Variants in ADAMTS20 observed in about 807,000 individuals in gnomAD.
ADAMTS20 encodes A disintegrin and metalloproteinase with thrombospondin motifs 20.
ADAMTS20 carries 225 observed loss-of-function variants against 260.1 expected under a neutral mutation model. That is an observed-to-expected ratio of 0.87 (90% CI 0.78 to 0.97). ADAMTS20 has a LOEUF of 0.97. Among genes scored for constraint, ADAMTS20 ranks in the 50% least tolerant of loss-of-function variants. The pLI is 0.00. For synonymous variants in ADAMTS20, 802 were observed against 769.5 expected, an observed-to-expected ratio of 1.04 and a Z score of -0.70; for missense variants, 2,400 against 2,337.7, an observed-to-expected ratio of 1.03 and a Z score of -0.55.
chr12:43,486,248 G>C (rs1364407256), intron 7 of ADAMTS20, among the ~76,000 whole-genome samples: 2 of 152,076 alleles, frequency 1.3e-5, no homozygotes, highest in African/African-American at 2.4e-5. Context: ...CAATGGAACA[G>C]AATAGAAGAC....
At chr12:43,399,371 T>C (rs1374359241) in intron 28 of ADAMTS20, 138 bp from the exon 29 acceptor site, 1 of 760,698 alleles carries the variant, frequency 1.3e-6, no homozygotes, top group African/African-American at 1.8e-5. Context: ...TATTTCTAAT[T>C]AGTGAAAAGT....
At chr12:43,402,220 T>C (rs926980772) in intron 28 of ADAMTS20, among the ~76,000 whole-genome samples, 3 of 152,028 alleles carry the variant, frequency 2.0e-5, no homozygotes, top group Non-Finnish European at 2.9e-5. Context: ...AGCTGATGGA[T>C]GTTTATTAAT....
rs536553814 is a variant in ADAMTS20 at position 43,469,768 on chromosome 12, T to C, written c.1118-1063A>G. ...TCTTTTATTCTTAGGAGTTAAAAACTTGAACATCTTCCTAGCATTTAAGGT... is the reference window on the plus strand; with the variant it reads ...TCTTTTATTCTTAGGAGTTAAAAACCTGAACATCTTCCTAGCATTTAAGGT... On this transcript the variant is annotated intron_variant, in intron 7 of 38. Transcript: ENST00000389420. 1.2e-3 allele frequency among the ~76,000 whole-genome samples: 185 copies of C among 152,216 alleles called. 1 individual carries two copies. Among genetic ancestry groups the C allele is most frequent in the Non-Finnish European group, 2.1e-3 (146 of 68,032 alleles).
chr12:43,423,020 CA>C (rs1223712234), intron 28 of ADAMTS20: 1 of 151,968 alleles, frequency 6.6e-6, no homozygotes, highest in Non-Finnish European at 1.5e-5. Context: ...ATCAAAGGAT[CA>C]AAAACATCTA....
chr12:43,363,565 G>C (rs1939921054), intron 37 of ADAMTS20, among the ~76,000 whole-genome samples: 1 of 152,204 alleles, frequency 6.6e-6, no homozygotes. Flanking sequence ...CCTGTCCCCA[G>C]ATCCACAGTA....
intron 2 of ADAMTS20, among the ~76,000 whole-genome samples, chr12:43,542,515 G>GT (rs35824801): frequency 4.6e-5 from 7 of 151,660 alleles, no homozygotes; most frequent in African/African-American, 1.7e-4. Context: ...CCAATCTATT[G>GT]TTTTTTTTTC....
At position 43,399,154 on chromosome 12, in the gene ADAMTS20, G is replaced by T; in HGVS notation, c.4364C>A (p.Thr1455Lys). The T allele has an allele frequency of 6.4e-7, 1 of 1,565,480 alleles. No homozygotes were observed. Among genetic ancestry groups the T allele is most frequent in the East Asian group, 2.3e-5 (1 of 42,780 alleles). Residue 1455 changes from threonine to lysine, a missense_variant, in exon 29 of 39, where the codon ACA becomes AAA. Thr to Lys is a moderately conservative substitution (Grantham distance 78). Coordinates refer to ENST00000389420, the MANE Select transcript of ADAMTS20 (RefSeq NM_025003.5). Reference sequence around the variant, plus strand: ...AGGTTTCTGTACTTGACTGCAATTTGTGTCTTCTAATTTCCTTTGGAATTG... The same window carrying T: ...AGGTTTCTGTACTTGACTGCAATTTTTGTCTTCTAATTTCCTTTGGAATTG... ...IDQFQRKLED[T>K]NCSQVQKPPT...
At chr12:43,532,232 C>G in intron 2 of ADAMTS20, 37 bp from the exon 3 acceptor site, 1 of 1,562,468 alleles carries the variant, frequency 6.4e-7, no homozygotes, top group Non-Finnish European at 8.7e-7. Context: ...TTTTTCCTAA[C>G]AGTCGCCAAG....
chr12:43,528,636 C>T (rs552126357), intron 3 of ADAMTS20, among the ~76,000 whole-genome samples: 1 of 152,078 alleles, frequency 6.6e-6, no homozygotes, highest in East Asian at 1.9e-4. Context: ...CCCTATCTCT[C>T]CCCTTGTACA....
At chr12:43,472,590 A>G (rs9668741) in intron 7 of ADAMTS20, among the ~76,000 whole-genome samples, 74,798 of 114,608 alleles carry the variant, frequency 0.65, 25,107 homozygotes, top group East Asian at 1. Context: ...CAGAGAGAAA[A>G]GTCGGGTTAC....
intron 7 of ADAMTS20, among the ~76,000 whole-genome samples, chr12:43,475,622 C>T (rs1327973979): frequency 6.6e-6 from 1 of 152,068 alleles, no homozygotes; most frequent in Admixed American, 6.6e-5. Context: ...ACCAAAACCG[C>T]ATGGTACTGG....
At position 43,532,143 on chromosome 12, in the gene ADAMTS20, T is replaced by C. The variant is rs1398481106; in HGVS notation, c.506A>G (p.Lys169Arg). The C allele has an allele frequency of 1.2e-6, 2 of 1,612,276 alleles. No individual in the cohort carries two copies. Among genetic ancestry groups the C allele is most frequent in the South Asian group, 1.1e-5 (1 of 90,946 alleles). Reference sequence around the variant, plus strand: ...ATCTTCATATTCATTCCCATCTGCCTTCATTATAGGTTCTAAGAAATATTC... The same window carrying C: ...ATCTTCATATTCATTCCCATCTGCCCTCATTATAGGTTCTAAGAAATATTC... ...NGEYFLEPIM[K>R]ADGNEYEDGH... Residue 169 changes from lysine to arginine, a missense_variant, in exon 3 of 39, where the codon AAG becomes AGG. Lys to Arg is a conservative substitution (Grantham distance 26, BLOSUM62 2). Coordinates refer to ENST00000389420, the MANE Select transcript of ADAMTS20 (RefSeq NM_025003.5).
chr12:43,495,293 C>T (rs1473259625), intron 4 of ADAMTS20, among the ~76,000 whole-genome samples: 2 of 152,052 alleles, frequency 1.3e-5, no homozygotes, highest in Admixed American at 1.3e-4. Context: ...AATTGTTATG[C>T]AAGGTGGATA....
chr12:43,424,402 C>T (rs1481387411), intron 28 of ADAMTS20, among the ~76,000 whole-genome samples: 6 of 152,130 alleles, frequency 3.9e-5, no homozygotes, highest in African/African-American at 1.4e-4. Flanking sequence ...AAACCACTAA[C>T]TCCACAAAGT....
At chr12:43,418,151 A>T (rs1233715204) in intron 28 of ADAMTS20, among the ~76,000 whole-genome samples, 1 of 152,190 alleles carries the variant, frequency 6.6e-6, no homozygotes, top group Non-Finnish European at 1.5e-5. Context: ...AAATTTGCTG[A>T]ATTTTTTTCT....
Position 43,377,469 on chromosome 12 carries a change from G to A in ADAMTS20, c.4891C>T (p.Pro1631Ser). Residue 1631 changes from proline (P) to serine (S), a missense_variant, in exon 32 of 39, where the codon CCT (proline) becomes TCT (serine). Physicochemically the swap from Pro to Ser is moderately conservative, Grantham distance 74. Coordinates refer to ENST00000389420, the MANE Select transcript of ADAMTS20 (RefSeq NM_025003.5). ...ACAGGGCATTCTTGATAAACTATAG[G>A]CCGAAGTCGATGGAGCTTATGTTTC... ...TKKHKLHRLR[P>S]IVYQECPVVP... 2 of 1,613,624 alleles carry A rather than the reference G, an allele frequency of 1.2e-6. No individual in the cohort carries two copies. The highest frequency in any genetic ancestry group is 2.7e-5 in the African/African-American group (2 of 74,994).
intron 2 of ADAMTS20, among the ~76,000 whole-genome samples, chr12:43,538,983 C>T (rs567434413): frequency 7.3e-6 from 1 of 136,242 alleles, no homozygotes; most frequent in South Asian, 2.3e-4. Context: ...GATGGAGTCT[C>T]ACTCTATCAC....
At chr12:43,438,971 A>T (rs2137322830) in intron 18 of ADAMTS20, among the ~76,000 whole-genome samples, 1 of 152,340 alleles carries the variant, frequency 6.6e-6, no homozygotes, top group South Asian at 2.1e-4. Context: ...TGAATTCAGA[A>T]TTGGGATCTT....
intron 28 of ADAMTS20, among the ~76,000 whole-genome samples, chr12:43,414,701 T>C (rs966520611): frequency 6.6e-6 from 1 of 152,084 alleles, no homozygotes; most frequent in Non-Finnish European, 1.5e-5. Context: ...TGACAAGGAT[T>C]TGGGGCAACT....
Sources: gnomAD v4.1 joint callset for allele counts (sites outside exome capture counted in the v4.1 genomes callset) on GRCh38, gnomAD v4.1.1 for gene constraint, MANE v1.5 for transcripts, NCBI Gene and HGNC (gene_info 2026-07-23, HGNC 2026-07-21) for gene names.